CTNNAL1: variants seen among roughly 807,000 people sequenced by gnomAD.
The protein encoded by CTNNAL1 is alpha-catulin.
In CTNNAL1, 69 loss-of-function variants were observed where a neutral mutation model predicts 93.6. That is an observed-to-expected ratio of 0.74 (90% CI 0.61 to 0.90). CTNNAL1 has a LOEUF of 0.90. Ranked by LOEUF, CTNNAL1 falls within the 40% of genes least tolerant of loss-of-function variation. The pLI is 0.00. For synonymous variants in CTNNAL1, 286 were observed against 305.4 expected, an observed-to-expected ratio of 0.94 and a Z score of 0.66; for missense variants, 836 against 862.0, an observed-to-expected ratio of 0.97 and a Z score of 0.38.
chr9:108,972,864 G>GGGGGCCCCCCCCCCCCCC, intron 8 of CTNNAL1, 31 bp from the exon 9 acceptor site: 11 of 142,516 alleles, frequency 7.7e-5, no homozygotes, highest in Non-Finnish European at 9.1e-5. Flanking sequence ...GGGGGGGTGG[G>GGGGGCCCCCCCCCCCCCC]AGGGTGGAGA....
intron 10 of CTNNAL1, among the ~76,000 whole-genome samples, chr9:108,968,408 C>G (rs187243094): frequency 6.6e-6 from 1 of 152,160 alleles, no homozygotes; most frequent in Non-Finnish European, 1.5e-5. Flanking sequence ...ATGGCTATTC[C>G]TAATATCTCT....
chr9:108,992,462 A>C (rs561481140), intron 3 of CTNNAL1, among the ~76,000 whole-genome samples, 170 bp downstream of exon 3: 4 of 151,924 alleles, frequency 2.6e-5, no homozygotes, highest in African/African-American at 4.8e-5. Flanking sequence ...AAGTGCATTC[A>C]ACGTACAGAT....
At position 108,999,115 on chromosome 9, in the gene CTNNAL1, C is replaced by T; in HGVS notation, c.283G>A (p.Asp95Asn). Residue 95 changes from aspartate to asparagine, a missense_variant, in exon 2 of 19, where the codon GAT becomes AAT. Asp to Asn is a conservative substitution (Grantham distance 23). Coordinates refer to ENST00000325551, the MANE Select transcript of CTNNAL1 (RefSeq NM_003798.4). ...VGEAIANENWDLKEEINIACI... is the reference protein window; with the variant it reads ...VGEAIANENWNLKEEINIACI... ...GCAATATTTATTTCTTCTTTCAAAT[C>T]CCAGTTTTCATTGGCTATAGCTTCT... 2 of 1,612,158 alleles carry T rather than the reference C, an allele frequency of 1.2e-6. No homozygotes were observed. The highest frequency in any genetic ancestry group is 1.7e-4 in the Middle Eastern group (1 of 6,046).
chr9:108,988,820 T>G (rs558352856), intron 4 of CTNNAL1, among the ~76,000 whole-genome samples: 2 of 152,302 alleles, frequency 1.3e-5, no homozygotes, highest in South Asian at 4.1e-4. Context: ...CAACACCTAG[T>G]GTAGTATTTG....
Position 108,946,257 on chromosome 9 carries a change from C to T in CTNNAL1, c.1884+1929G>A, listed in dbSNP as rs1321228335. Among the ~76,000 whole-genome samples, 9 of 151,372 alleles carry T rather than the reference C, an allele frequency of 5.9e-5. No individual in the cohort carries two copies. In the East Asian group the frequency reaches 1.6e-3, roughly 26 times the overall value. The stretch of plus-strand genomic sequence containing the variant: ...GAGGCTGTAGTGAGCCGAGATCGTG[C>T]CACTGCACTCCAGCCTGACAACAGA... On this transcript the variant is annotated intron_variant, in intron 15 of 18. Coordinates refer to ENST00000325551, the MANE Select transcript of CTNNAL1 (RefSeq NM_003798.4).
At chr9:109,001,016 A>T (rs1264815190) in intron 1 of CTNNAL1, among the ~76,000 whole-genome samples, 1 of 151,240 alleles carries the variant, frequency 6.6e-6, no homozygotes, top group Non-Finnish European at 1.5e-5. Context: ...CAAAAAAAAA[A>T]AAAAAATTAG....
chr9:108,974,434 T>C (rs971011344), intron 8 of CTNNAL1, among the ~76,000 whole-genome samples: 10 of 152,212 alleles, frequency 6.6e-5, no homozygotes, highest in African/African-American at 2.4e-4. Flanking sequence ...AACCATGTCT[T>C]TCTATGTTTA....
chr9:108,948,166 A>G lies in CTNNAL1; in HGVS notation c.1884+20T>C. ...TAGCCCGAAATTAAAGTACTAGCAT[A>G]AAACGGAAACAAGGCATACCTCTAG... On this transcript the variant is annotated intron_variant, in intron 15 of 18. Transcript: ENST00000325551. 6.2e-7 allele frequency: 1 copy of G among 1,609,672 alleles called. No individual in the cohort carries two copies. Among genetic ancestry groups the G allele is most frequent in the East Asian group, 2.2e-5 (1 of 44,686 alleles).
intron 8 of CTNNAL1, among the ~76,000 whole-genome samples, chr9:108,974,079 A>G (rs546745001): frequency 6.6e-6 from 1 of 152,326 alleles, no homozygotes; most frequent in East Asian, 1.9e-4. Context: ...AAGGTCATGT[A>G]ACTCTTGTCA....
chr9:108,972,863 G>GCCCCCCCCCCC, intron 8 of CTNNAL1, 30 bp from the exon 9 acceptor site: 4 of 231,640 alleles, frequency 1.7e-5, no homozygotes, highest in Non-Finnish European at 2.8e-5. Flanking sequence ...TGGGGGGGTG[G>GCCCCCCCCCCC]GAGGGTGGAG....
At chr9:108,972,864 G>GGGGGGGCCCA in intron 8 of CTNNAL1, 31 bp from the exon 9 acceptor site, 1 of 142,586 alleles carries the variant, frequency 7.0e-6, no homozygotes, top group Non-Finnish European at 1.0e-5. Context: ...GGGGGGGTGG[G>GGGGGGGCCCA]AGGGTGGAGA....
At chr9:108,963,286 C>A (rs549267217) in intron 11 of CTNNAL1, among the ~76,000 whole-genome samples, 2 of 152,064 alleles carry the variant, frequency 1.3e-5, no homozygotes, top group Non-Finnish European at 2.9e-5. Context: ...TAGAACAGCC[C>A]GATTTAGAAA....
intron 6 of CTNNAL1, among the ~76,000 whole-genome samples, chr9:108,980,356 T>C (rs1166336790): frequency 6.6e-6 from 1 of 152,178 alleles, no homozygotes; most frequent in African/African-American, 2.4e-5. Flanking sequence ...GTCCATGAAA[T>C]ATGTCACACA....
intron 6 of CTNNAL1, among the ~76,000 whole-genome samples, chr9:108,981,745 C>A (rs1831436231): frequency 6.6e-6 from 1 of 151,914 alleles, no homozygotes; most frequent in African/African-American, 2.4e-5. Context: ...GCCAACATGG[C>A]AAAACCCCAT....
Position 108,976,968 on chromosome 9 carries a change from C to G in CTNNAL1, c.1182G>C (p.Lys394Asn). The change falls in exon 8 of 19, where the codon AAG (lysine) becomes AAC (asparagine). Residue 394 changes from lysine (K) to asparagine (N), a missense_variant. Transcript: ENST00000325551. ...AATTTCAAACTATACTTACTTCTTT[C>G]TTAAGTTCATTAAGACTGTGACTGA... The part of the protein sequence containing the change: ...LKISHSLNEL[K>N]KELHSTATQL... 1 of 1,417,716 alleles carries G rather than the reference C, an allele frequency of 7.1e-7. No homozygotes were observed. Among genetic ancestry groups the G allele is most frequent in the Non-Finnish European group, 9.5e-7 (1 of 1,052,594 alleles). 87.8% of individuals were successfully genotyped at this position (1,417,716 alleles called of 1,614,324 possible).
At chr9:108,993,849 G>C (rs1177534384) in intron 2 of CTNNAL1, among the ~76,000 whole-genome samples, 2 of 152,174 alleles carry the variant, frequency 1.3e-5, no homozygotes, top group Non-Finnish European at 1.5e-5. Context: ...ACACAATAAT[G>C]TGTCAGCTCA....
chr9:108,984,726 A>G (rs946861328), intron 4 of CTNNAL1, among the ~76,000 whole-genome samples: 7 of 152,230 alleles, frequency 4.6e-5, no homozygotes, highest in Non-Finnish European at 7.3e-5. Context: ...CATACCTGAC[A>G]TTCTCACGTC....
At chr9:109,003,158 A>AGGTT (rs2132209630) in intron 1 of CTNNAL1, among the ~76,000 whole-genome samples, 1 of 152,334 alleles carries the variant, frequency 6.6e-6, no homozygotes, top group East Asian at 1.9e-4. Context: ...TGCTTCAGAC[A>AGGTT]ACCATTCAGG....
rs762417604 is a variant in CTNNAL1, at chr9:108,972,853, TG to T, written c.1189-21del. On this transcript the variant is annotated intron_variant, in intron 8 of 18. Coordinates refer to ENST00000325551, the MANE Select transcript of CTNNAL1 (RefSeq NM_003798.4). ...ATGAAGCTGCAGATGTGTGTGTGGG[TG>T]GGGGGGTGGGAGGGTGGAGAAGGAG... The T allele has an allele frequency of 8.6e-4, 48 of 55,878 alleles. 1 individual carries two copies. The highest frequency in any genetic ancestry group is 5.8e-3 in the Middle Eastern group (1 of 172). The allele number at this position is 55,878 out of a possible 1,614,324, so 3.5% of individuals were successfully genotyped here.
Sources: gnomAD v4.1 joint callset for allele counts (sites outside exome capture counted in the v4.1 genomes callset) on GRCh38, gnomAD v4.1.1 for gene constraint, MANE v1.5 for transcripts, NCBI Gene and HGNC (gene_info 2026-07-23, HGNC 2026-07-21) for gene names.